CALU: variants seen among roughly 807,000 people sequenced by gnomAD.
CALU encodes calumenin, also known as IEF SSP 9302.
Under a neutral mutation model 37.5 loss-of-function variants are expected in CALU, and 13 were observed. The ratio of observed to expected loss-of-function variants is 0.35; its 90% CI spans 0.23 to 0.55. The LOEUF (loss-of-function observed/expected upper bound fraction) is 0.55. Ranked by LOEUF, CALU falls within the 20% of genes least tolerant of loss-of-function variation. CALU has a pLI of 0.89. For missense variants in CALU, 282 were observed against 391.7 expected (o/e 0.72, Z 2.36); for synonymous variants, 114 against 133.8 (o/e 0.85, Z 1.02).
intron 2 of CALU, among the ~76,000 whole-genome samples, chr7:128,753,778 T>C (rs1800764758): frequency 6.6e-6 from 1 of 152,232 alleles, no homozygotes; most frequent in Admixed American, 6.5e-5. Context: ...TAAAATCAGC[T>C]AAATTTTTGA....
In CALU at chr7:128,772,032, A is replaced by AACTC. The variant is rs766650499; in HGVS notation, c.*2867_*2870dup. 9.2e-5 allele frequency among the ~76,000 whole-genome samples: 14 copies of AACTC among 151,408 alleles called. No homozygotes were observed. Among genetic ancestry groups the AACTC allele is most frequent in the Non-Finnish European group, 1.3e-4 (9 of 67,890 alleles). On this transcript the variant is annotated 3_prime_UTR_variant, in exon 7 of 7. Coordinates refer to ENST00000249364, the MANE Select transcript of CALU (RefSeq NM_001219.5). ...TAGCAGTTATCCAAAAGTTCTTTCAAACTCATATTTGGGGCCACTGAGTTT... is the reference window on the plus strand; with the variant it reads ...TAGCAGTTATCCAAAAGTTCTTTCAAACTCACTCATATTTGGGGCCACTGAGTTT...
At chr7:128,762,882 A>G (rs1178299279) in intron 5 of CALU, among the ~76,000 whole-genome samples, 1 of 151,740 alleles carries the variant, frequency 6.6e-6, no homozygotes, top group Non-Finnish European at 1.5e-5. Flanking sequence ...GGCCAGGGTG[A>G]TCTTGAACTC....
intron 2 of CALU, among the ~76,000 whole-genome samples, chr7:128,750,237 AAAAG>A (rs869115787): frequency 1.2e-4 from 12 of 100,096 alleles, no homozygotes; most frequent in Admixed American, 2.0e-4. Context: ...AAAAAAAAAA[AAAAG>A]AAAATAGAAA....
rs561699616 is a variant in CALU, at chr7:128,771,360, T to A, written c.*2193T>A. ...ACACCCATATTGTGTGTTCTGTGAA[T>A]GCTAGCTCTCTTGAATTTGGATATT... On this transcript the variant is annotated 3_prime_UTR_variant, in exon 7 of 7. Transcript: ENST00000249364. 6.5e-6 allele frequency: 1 copy of A among 152,792 alleles called. No homozygotes were observed. The highest frequency in any genetic ancestry group is 2.1e-4 in the South Asian group (1 of 4,834). 9.5% of individuals were successfully genotyped at this position (152,792 alleles called of 1,614,324 possible).
intron 2 of CALU, among the ~76,000 whole-genome samples, chr7:128,752,443 C>T (rs1800711666): frequency 6.6e-6 from 1 of 151,996 alleles, no homozygotes. Context: ...TTAAAAATAC[C>T]TTTTGGGGGT....
At chr7:128,762,257 T>C (rs1305127467) in intron 5 of CALU, among the ~76,000 whole-genome samples, 5 of 152,190 alleles carry the variant, frequency 3.3e-5, no homozygotes, top group Admixed American at 2.6e-4. Flanking sequence ...ACATCACTTA[T>C]CAAGCATTGA....
Position 128,772,508 on chromosome 7 carries a change from C to G in CALU, c.*3341C>G, listed in dbSNP as rs775045727. 26 of 1,613,686 alleles carry G rather than the reference C, an allele frequency of 1.6e-5. No individual in the cohort carries two copies. The Admixed American group carries it at 3.8e-4, about 24-fold the overall frequency. The stretch of plus-strand genomic sequence containing the variant: ...ACTTACTTAAAAGTAAAATTTAATT[C>G]TAGCTGTTGCAAACAGGCCAATATT... On this transcript the variant is annotated 3_prime_UTR_variant, in exon 7 of 7. Coordinates refer to ENST00000249364, the MANE Select transcript of CALU (RefSeq NM_001219.5).
At chr7:128,768,863 A>AAAAAAAAAAAAC (rs1554368156) in intron 6 of CALU, among the ~76,000 whole-genome samples, 200 bp from the exon 7 acceptor site, 5 of 147,934 alleles carry the variant, frequency 3.4e-5, no homozygotes, top group African/African-American at 1.3e-4. Flanking sequence ...AAAAAAAAAA[A>AAAAAAAAAAAAC]AAAAACAAGG....
intron 1 of CALU, among the ~76,000 whole-genome samples, chr7:128,741,067 G>A (rs1311996237): frequency 6.6e-6 from 1 of 152,132 alleles, no homozygotes; most frequent in Non-Finnish European, 1.5e-5. Context: ...CTGTAACGTA[G>A]GTATACCAGG....
intron 6 of CALU, 55 bp downstream of exon 6, chr7:128,767,710 G>C: frequency 7.1e-7 from 1 of 1,406,000 alleles, no homozygotes; most frequent in South Asian, 1.2e-5. Flanking sequence ...GCTTCTAGGG[G>C]ATCACCTGAA....
At chr7:128,742,620 G>A (rs1226622351) in intron 1 of CALU, among the ~76,000 whole-genome samples, 3 of 152,254 alleles carry the variant, frequency 2.0e-5, no homozygotes, top group African/African-American at 7.2e-5. Context: ...GATACACTAT[G>A]GACACTAAGG....
At chr7:128,768,252 G>C (rs1801407613) in intron 6 of CALU, among the ~76,000 whole-genome samples, 1 of 152,100 alleles carries the variant, frequency 6.6e-6, no homozygotes, top group Non-Finnish European at 1.5e-5. Context: ...TCAGTGTTCT[G>C]AGTATATTTT....
chr7:128,751,730 A>C (rs1326767640), intron 2 of CALU, among the ~76,000 whole-genome samples: 3 of 152,202 alleles, frequency 2.0e-5, no homozygotes, highest in African/African-American at 7.2e-5. Context: ...CTATCTCAAA[A>C]AATAATAATA....
chr7:128,740,613 T>C (rs1304611228), intron 1 of CALU, among the ~76,000 whole-genome samples: 10 of 137,886 alleles, frequency 7.3e-5, no homozygotes, highest in African/African-American at 2.8e-4. Flanking sequence ...GTCAAGAAAA[T>C]GAGTTTGCCA....
chr7:128,757,793 T>C (rs1456278237), intron 3 of CALU, among the ~76,000 whole-genome samples: 1 of 152,156 alleles, frequency 6.6e-6, no homozygotes, highest in African/African-American at 2.4e-5. Flanking sequence ...TTTTTCAGCT[T>C]AAAAAACTAA....
chr7:128,757,678 G>A (rs1800942240), intron 3 of CALU, among the ~76,000 whole-genome samples: 1 of 151,754 alleles, frequency 6.6e-6, no homozygotes, highest in Admixed American at 6.6e-5. Context: ...CCATTAATGT[G>A]GTGTCTTTTA....
At chr7:128,757,712 GTTATC>G (rs1177768915) in intron 3 of CALU, among the ~76,000 whole-genome samples, 3 of 151,960 alleles carry the variant, frequency 2.0e-5, no homozygotes, top group Non-Finnish European at 4.4e-5. Context: ...CTTCATGTCT[GTTATC>G]TTAATTTGGT....
chr7:128,763,817 G>C (rs1240426329), intron 5 of CALU, among the ~76,000 whole-genome samples: 1 of 152,212 alleles, frequency 6.6e-6, no homozygotes, highest in East Asian at 1.9e-4. Flanking sequence ...AAGTCCTGCT[G>C]TGAGGAATTT....
chr7:128,752,529 C>A (rs1800715316), intron 2 of CALU, among the ~76,000 whole-genome samples: 1 of 152,242 alleles, frequency 6.6e-6, no homozygotes, highest in African/African-American at 2.4e-5. Flanking sequence ...TAGCCAGTAC[C>A]ATTTGAGCAC....
Sources: allele counts gnomAD v4.1 joint callset (sites outside exome capture counted in the v4.1 genomes callset), GRCh38; gene constraint gnomAD v4.1.1; transcripts MANE v1.5; gene names NCBI Gene and HGNC (gene_info 2026-07-23, HGNC 2026-07-21).